The following SCN11A variants were observed in gnomAD, a reference collection of about 807,000 sequenced individuals.
The protein encoded by SCN11A is sodium channel protein type 11 subunit alpha.
Under a neutral mutation model 162.2 loss-of-function variants are expected in SCN11A, and 122 were observed. That is an observed-to-expected ratio of 0.75 (90% CI 0.65 to 0.87). The LOEUF is 0.87. Ranked by LOEUF, SCN11A falls within the 40% of genes least tolerant of loss-of-function variation. The pLI, the probability that SCN11A is intolerant of heterozygous loss-of-function variation, is 0.00. For missense variants in SCN11A, 2,015 were observed against 2,181.6 expected, an observed-to-expected ratio of 0.92 and a Z score of 1.52; for synonymous variants, 758 against 751.5, an observed-to-expected ratio of 1.01 and a Z score of -0.14.
intron 2 of SCN11A, among the ~76,000 whole-genome samples, chr3:38,984,852 G>A (rs990283526): frequency 1.3e-4 from 20 of 152,080 alleles, no homozygotes; most frequent in African/African-American, 3.6e-4. Context: ...GCGAAAGTCT[G>A]GGGGAGGGAA....
chr3:39,008,565 G>T (rs906753393), intron 2 of SCN11A, among the ~76,000 whole-genome samples: 3 of 152,170 alleles, frequency 2.0e-5, no homozygotes, highest in African/African-American at 4.8e-5. Flanking sequence ...CTTTTTAAAA[G>T]ATTAAATTAT....
chr3:39,029,893 G>C (rs1167129785), intron 2 of SCN11A, among the ~76,000 whole-genome samples: 1 of 152,202 alleles, frequency 6.6e-6, no homozygotes, highest in South Asian at 2.1e-4. Context: ...GCTTTCTATA[G>C]GGAGATTACT....
chr3:38,896,778 G>T, intron 18 of SCN11A, 67 bp downstream of exon 18: 4 of 1,271,366 alleles, frequency 3.1e-6, no homozygotes, highest in South Asian at 2.0e-5. Context: ...TTTTGCAAAT[G>T]AAGTAATGCA....
chr3:39,019,151 T>C (rs930591798), intron 2 of SCN11A, among the ~76,000 whole-genome samples: 1 of 152,188 alleles, frequency 6.6e-6, no homozygotes, highest in African/African-American at 2.4e-5. Context: ...TCACAAGATA[T>C]GCAACTTCCC....
At chr3:39,000,900 G>A (rs1386266132) in intron 2 of SCN11A, among the ~76,000 whole-genome samples, 1 of 152,066 alleles carries the variant, frequency 6.6e-6, no homozygotes, top group East Asian at 1.9e-4. Flanking sequence ...AGCTGGGCAT[G>A]GTGGTGTGCG....
At chr3:38,942,343 T>C (rs2066454786) in intron 7 of SCN11A, among the ~76,000 whole-genome samples, 1 of 152,106 alleles carries the variant, frequency 6.6e-6, no homozygotes, top group South Asian at 2.1e-4. Flanking sequence ...AATGACACTA[T>C]CAACCACCTT....
At position 38,946,775 on chromosome 3, in the gene SCN11A, C is replaced by T. The variant is rs1215149830; in HGVS notation, c.386+14G>A. The T allele has an allele frequency of 6.6e-7, 1 of 1,515,106 alleles. No homozygotes were observed. The highest frequency in any genetic ancestry group is 1.7e-5 in the Admixed American group (1 of 57,850). The allele number at this position is 1,515,106 out of a possible 1,614,324, so 93.9% of individuals were successfully genotyped here. Reference sequence around the variant, plus strand: ...AATGATCTGGACTTAGTAAAAGGTGCAATGAAAGGATATGAATGGACTGAG... The same window carrying T: ...AATGATCTGGACTTAGTAAAAGGTGTAATGAAAGGATATGAATGGACTGAG... On this transcript the variant is annotated intron_variant, in intron 6 of 29. Transcript: ENST00000302328.
At chr3:38,989,131 A>C (rs770297585) in intron 2 of SCN11A, among the ~76,000 whole-genome samples, 2 of 151,804 alleles carry the variant, frequency 1.3e-5, no homozygotes, top group Non-Finnish European at 2.9e-5. Context: ...CCATATAAGA[A>C]CTCCAGACAT....
At chr3:38,988,688 T>A (rs1436566407) in intron 2 of SCN11A, among the ~76,000 whole-genome samples, 2 of 152,216 alleles carry the variant, frequency 1.3e-5, no homozygotes, top group Non-Finnish European at 2.9e-5. Flanking sequence ...ACTGCTAGGC[T>A]TTAAAGATAT....
intron 28 of SCN11A, among the ~76,000 whole-genome samples, chr3:38,855,015 C>T (rs1575209808): frequency 2.0e-5 from 3 of 152,186 alleles, no homozygotes; most frequent in Non-Finnish European, 4.4e-5. Flanking sequence ...AGGGGGCTAA[C>T]GGGAGTTGCT....
chr3:38,950,471 A>C, intron 4 of SCN11A, 102 bp from the exon 5 acceptor site: 1 of 1,262,354 alleles, frequency 7.9e-7, no homozygotes, highest in African/African-American at 1.5e-5. Flanking sequence ...TGTCATAAGG[A>C]TCTACAAAAG....
At chr3:38,863,448 G>A (rs142520183) in intron 27 of SCN11A, 149 bp from the exon 28 acceptor site, 18 of 552,484 alleles carry the variant, frequency 3.3e-5, no homozygotes, top group African/African-American at 7.6e-5. Flanking sequence ...GGACCATAGC[G>A]AAATGCTGTA....
At chr3:38,967,894 C>G (rs559193277) in intron 2 of SCN11A, among the ~76,000 whole-genome samples, 20 of 152,374 alleles carry the variant, frequency 1.3e-4, no homozygotes, top group Admixed American at 1.0e-3. Context: ...CTGACTTCCA[C>G]TATTCATTCC....
At chr3:38,894,045 T>C (rs1009695618) in intron 19 of SCN11A, among the ~76,000 whole-genome samples, 1 of 152,132 alleles carries the variant, frequency 6.6e-6, no homozygotes, top group South Asian at 2.1e-4. Flanking sequence ...GCAGCCTGAA[T>C]AGACTAATAC....
At chr3:38,859,765 A>G (rs1337739602) in intron 28 of SCN11A, among the ~76,000 whole-genome samples, 1 of 152,190 alleles carries the variant, frequency 6.6e-6, no homozygotes, top group Non-Finnish European at 1.5e-5. Flanking sequence ...AATTCAGTTC[A>G]TGGCTTGACT....
At chr3:38,960,232 T>C (rs1225298396) in intron 3 of SCN11A, among the ~76,000 whole-genome samples, 51 bp downstream of exon 3, 2 of 152,092 alleles carry the variant, frequency 1.3e-5, no homozygotes, top group Non-Finnish European at 2.9e-5. Context: ...AGGTGGCAGG[T>C]CCCAGACTTG....
At chr3:38,956,285 G>T (rs2066681089) in intron 3 of SCN11A, among the ~76,000 whole-genome samples, 1 of 151,936 alleles carries the variant, frequency 6.6e-6, no homozygotes. Flanking sequence ...AGAAGCAATT[G>T]CCCTGACAGA....
At chr3:39,020,943 C>A (rs1294088357) in intron 2 of SCN11A, among the ~76,000 whole-genome samples, 6 of 148,248 alleles carry the variant, frequency 4.0e-5, no homozygotes, top group East Asian at 2.0e-4. Flanking sequence ...AGACTTTATT[C>A]AAAAAAAAAT....
chr3:38,885,226 A>G (rs1260025140), intron 21 of SCN11A, 62 bp downstream of exon 21: 3 of 966,370 alleles, frequency 3.1e-6, no homozygotes, highest in Admixed American at 1.7e-5. Flanking sequence ...CAGAGCTTCA[A>G]AGAAGAACAG....
Sources: allele counts gnomAD v4.1 joint callset (sites outside exome capture counted in the v4.1 genomes callset), GRCh38; gene constraint gnomAD v4.1.1; transcripts MANE v1.5; gene names NCBI Gene and HGNC (gene_info 2026-07-23, HGNC 2026-07-21).